TP53I13: variants seen among roughly 807,000 people sequenced by gnomAD.
TP53I13 encodes the protein tumor protein p53 inducible protein 13.
TP53I13 carries 27 observed loss-of-function variants against 39.1 expected under a neutral mutation model. That is an observed-to-expected ratio of 0.69 (90% CI 0.51 to 0.95). The LOEUF (loss-of-function observed/expected upper bound fraction) is 0.95, where lower values mean the gene tolerates loss of function less well. Among genes scored for constraint, TP53I13 ranks in the 40% least tolerant of loss-of-function variants. The probability of loss-of-function intolerance (pLI) is 0.00; values close to 1 mark genes in which losing one functional copy is unlikely to be tolerated. For missense variants in TP53I13, 544 were observed against 520.4 expected (o/e 1.05, Z -0.44); for synonymous variants, 230 against 224.6 (o/e 1.02, Z -0.22).
In TP53I13 at chr17:29,569,040, A is replaced by C; in HGVS notation, c.95A>C (p.Glu32Ala). ...PSEVMAGPAE[E>A]AGAHCPESLW... Reference sequence around the variant, plus strand: ...CAGGTGATGGCTGGACCGGCGGAGGAGGCGGGAGCCCATTGTCCCGAGAGC... The same window carrying C: ...CAGGTGATGGCTGGACCGGCGGAGGCGGCGGGAGCCCATTGTCCCGAGAGC... The change falls in exon 2 of 7, where the codon GAG becomes GCG. Residue 32 changes from glutamate (E) to alanine (A), a missense_variant. By Grantham distance (107) the Glu-to-Ala change is moderately radical (BLOSUM62 -1). Transcript: ENST00000301057. The C allele has an allele frequency of 3.1e-6, 5 of 1,608,242 alleles. No individual in the cohort carries two copies. The highest frequency in any genetic ancestry group is 1.7e-4 in the Middle Eastern group (1 of 6,052).
chr17:29,577,052 G>A, downstream of TP53I13: 1 of 1,607,168 alleles, frequency 6.2e-7, no homozygotes, highest in Non-Finnish European at 8.5e-7. Context: ...CCATCTCTCA[G>A]GTCACCACTG....
chr17:29,581,577 G>C, the TP53I13 span: 8 of 694,556 alleles, frequency 1.2e-5, no homozygotes, highest in African/African-American at 3.5e-5. The surrounding 1 kb of genome is among the most constrained non-coding windows in gnomAD (Gnocchi z 4.8). Flanking sequence ...CCCCAGCGAT[G>C]CTATGGCCCA....
the TP53I13 span, among the ~76,000 whole-genome samples, chr17:29,580,341 A>G: frequency 6.6e-6 from 1 of 152,218 alleles, no homozygotes; most frequent in African/African-American, 2.4e-5. Context: ...GGGGTCTGGA[A>G]GAGGTCTGGG....
downstream of TP53I13, chr17:29,577,858 TC>T (rs2033268408): frequency 1.4e-6 from 1 of 703,376 alleles, no homozygotes; most frequent in African/African-American, 1.7e-5. Context: ...GCACTGGTGT[TC>T]AGAACAGGGG....
At chr17:29,577,640 C>G (rs183125621), downstream of TP53I13, 797 of 1,586,814 alleles carry the variant, frequency 5.0e-4, 3 homozygotes, top group African/African-American at 9.5e-3. Flanking sequence ...ATCCAGCCCC[C>G]TCACCTGATT....
At chr17:29,566,815 T>C (rs1379769103), upstream of TP53I13, 1 of 1,514,270 alleles carries the variant, frequency 6.6e-7, no homozygotes, top group South Asian at 1.2e-5. Context: ...GCCTCCGCCG[T>C]CCGCCTCCTC....
intron 3 of TP53I13, chr17:29,569,796 G>A (rs1312662368): frequency 6.2e-6 from 1 of 160,606 alleles, no homozygotes; most frequent in African/African-American, 2.4e-5. Context: ...ACCGTGTACA[G>A]TACAGAGCTG....
the TP53I13 span, chr17:29,581,797 C>T: frequency 1.1e-4 from 174 of 1,612,626 alleles, 1 homozygote; most frequent in African/African-American, 1.6e-3. The surrounding 1 kb of genome is among the most constrained non-coding windows in gnomAD (Gnocchi z 4.8). Flanking sequence ...CATATTGGCA[C>T]TCAACCAGCC....
the TP53I13 span, chr17:29,578,158 C>G: frequency 4.1e-6 from 3 of 726,342 alleles, no homozygotes; most frequent in Non-Finnish European, 7.3e-6. Flanking sequence ...CCCAGGCAGG[C>G]TCACAGCCAG....
At position 29,572,430 on chromosome 17, in the gene TP53I13, G is replaced by A; in HGVS notation, c.802G>A (p.Glu268Lys). Residue 268 changes from glutamate (E) to lysine (K), a missense_variant, in exon 6 of 7, where the codon GAG becomes AAG. Transcript: ENST00000301057. ...TGGAGGCAATGCCAGCTCCAGGACA[G>A]AGGCTCAGGTGCCCAACGGGCAAGG... ...APGGNASSRT[E>K]AQVPNGQGSP... The A allele has an allele frequency of 1.3e-6, 2 of 1,582,828 alleles. No individual in the cohort carries two copies. Among genetic ancestry groups the A allele is most frequent in the Admixed American group, 3.5e-5 (2 of 57,726 alleles).
At position 29,572,420 on chromosome 17, in the gene TP53I13, C is replaced by T; in HGVS notation, c.792C>T (p.Ser264=). Reference sequence around the variant, plus strand: ...CGGGGGCGCCTGGAGGCAATGCCAGCTCCAGGACAGAGGCTCAGGTGCCCA... The same window carrying T: ...CGGGGGCGCCTGGAGGCAATGCCAGTTCCAGGACAGAGGCTCAGGTGCCCA... ...LLPGAPGGNA[S]SRTEAQVPNG... The change falls in exon 6 of 7, where the codon AGC becomes AGT. Residue 264 remains serine (S), a synonymous_variant. Coordinates refer to ENST00000301057, the MANE Select transcript of TP53I13 (RefSeq NM_138349.4). 6.3e-7 allele frequency: 1 copy of T among 1,588,742 alleles called. No individual in the cohort carries two copies. The highest frequency in any genetic ancestry group is 8.6e-7 in the Non-Finnish European group (1 of 1,164,272).
At chr17:29,578,160 C>T in the TP53I13 span, 1 of 732,446 alleles carries the variant, frequency 1.4e-6, no homozygotes, top group Admixed American at 2.1e-5. Flanking sequence ...CAGGCAGGCT[C>T]ACAGCCAGCA....
chr17:29,572,424 A>G lies in TP53I13; in HGVS notation c.796A>G (p.Arg266Gly). 1.9e-6 allele frequency: 3 copies of G among 1,586,514 alleles called. No individual in the cohort carries two copies. Among genetic ancestry groups the G allele is most frequent in the South Asian group, 1.1e-5 (1 of 88,288 alleles). ...PGAPGGNASS[R>G]TEAQVPNGQG... is the part of the protein sequence containing the mutation. The stretch of plus-strand genomic sequence containing the variant: ...GGCGCCTGGAGGCAATGCCAGCTCC[A>G]GGACAGAGGCTCAGGTGCCCAACGG... Residue 266 changes from arginine (R) to glycine (G), a missense_variant, in exon 6 of 7, where the codon AGG becomes GGG. Transcript: ENST00000301057.
chr17:29,578,716 T>G, the TP53I13 span: 1 of 1,611,898 alleles, frequency 6.2e-7, no homozygotes, highest in Non-Finnish European at 8.5e-7. Context: ...CAGGGCACTG[T>G]TGGAGCAGAC....
At chr17:29,566,734 G>A (rs556724290), upstream of TP53I13, 151 of 1,563,360 alleles carry the variant, frequency 9.7e-5, no homozygotes, top group Admixed American at 1.1e-3. Flanking sequence ...CTGGGCCAGG[G>A]CCGACGGCTT....
chr17:29,576,508 GGCTGCACCCTCACCTCTC>G, downstream of TP53I13: 1 of 1,613,604 alleles, frequency 6.2e-7, no homozygotes, highest in Non-Finnish European at 8.5e-7. Flanking sequence ...CTCCCACCGA[GGCTGCACCCTCACCTCTC>G]GCTGCAGCCT....
downstream of TP53I13, chr17:29,577,159 C>T: frequency 6.2e-7 from 1 of 1,613,926 alleles, no homozygotes; most frequent in African/African-American, 1.3e-5. Flanking sequence ...CAGGCTCTTG[C>T]CCTGCTGTCT....
At chr17:29,575,467 C>T, downstream of TP53I13, 1 of 1,600,842 alleles carries the variant, frequency 6.2e-7, no homozygotes, top group Non-Finnish European at 8.5e-7. The surrounding 1 kb of genome is among the most constrained non-coding windows in gnomAD (Gnocchi z 5.5). Context: ...TCTTCCCTTC[C>T]AGCCTGAGGC....
At chr17:29,577,547 AT>A (rs1398513513), downstream of TP53I13, 1 of 837,746 alleles carries the variant, frequency 1.2e-6, no homozygotes, top group African/African-American at 1.6e-5. Context: ...GCCCTGGCAA[AT>A]GCTGGAGAGC....
Sources: gnomAD v4.1 joint callset for allele counts (sites outside exome capture counted in the v4.1 genomes callset) on GRCh38, gnomAD v4.1.1 for gene constraint, Gnocchi (gnomAD v3.1) non-coding constraint, MANE v1.5 for transcripts, NCBI Gene and HGNC (gene_info 2026-07-23, HGNC 2026-07-21) for gene names.